The following HFM1 variants were observed in gnomAD, a reference collection of about 807,000 sequenced individuals.
The protein encoded by HFM1 is probable ATP-dependent DNA helicase HFM1.
Under a neutral mutation model 192.1 loss-of-function variants are expected in HFM1, and 169 were observed. That is an observed-to-expected ratio of 0.88 (90% confidence interval 0.78 to 1.00). HFM1 has a LOEUF of 1.00. Among genes scored for constraint, HFM1 ranks in the 50% least tolerant of loss-of-function variants. The probability of loss-of-function intolerance (pLI) is 0.00; values close to 1 mark genes in which losing one functional copy is unlikely to be tolerated. For missense variants in HFM1, 1,661 were observed against 1,668.0 expected, an observed-to-expected ratio of 1.00 and a Z score of 0.07; for synonymous variants, 525 against 537.8, an observed-to-expected ratio of 0.98 and a Z score of 0.33.
At position 91,375,434 on chromosome 1, in the gene HFM1, T is replaced by C. The variant is rs1660789470; in HGVS notation, c.1609A>G (p.Arg537Gly). ...GAAGCAGCCTGTTGCACACCCTTCC[T>C]TGTTGCACAAAACTGAAAATAAATT... Reference protein sequence around the residue: ...QKPTLVFCATRKGVQQAASVL... With the variant: ...QKPTLVFCATGKGVQQAASVL... Residue 537 changes from arginine to glycine, a missense_variant, in exon 13 of 39, where the codon AGG becomes GGG. By Grantham distance (125) the Arg-to-Gly change is moderately radical. Transcript: ENST00000370425. 1 of 1,613,128 alleles carries C rather than the reference T, an allele frequency of 6.2e-7. No homozygotes were observed. The highest frequency in any genetic ancestry group is 1.3e-5 in the African/African-American group (1 of 75,012).
chr1:91,289,192 G>A (rs1361346313), intron 30 of HFM1, among the ~76,000 whole-genome samples: 1 of 151,526 alleles, frequency 6.6e-6, no homozygotes, highest in East Asian at 2.0e-4. Flanking sequence ...CGGGGTGGTG[G>A]CGGGGCAGAG....
intron 35 of HFM1, 139 bp downstream of exon 35, chr1:91,267,605 TA>T: frequency 1.9e-6 from 1 of 525,050 alleles, no homozygotes; most frequent in Non-Finnish European, 3.3e-6. Flanking sequence ...TCAGTTTTGC[TA>T]AAAATTATAA....
In HFM1 at chr1:91,378,392, G is replaced by A. The variant is rs1271301962; in HGVS notation, c.1236+11C>T. The A allele has an allele frequency of 1.3e-6, 2 of 1,564,600 alleles. No individual in the cohort carries two copies. Among genetic ancestry groups the A allele is most frequent in the Non-Finnish European group, 1.8e-6 (2 of 1,139,534 alleles). On this transcript the variant is annotated intron_variant, in intron 10 of 38. Transcript: ENST00000370425. ...TTTATGTTTATCTCTGAAAGCGAAT[G>A]CATTCATTACCTCATCAATGAGAAA...
chr1:91,298,484 G>C (rs1648075039), intron 30 of HFM1, among the ~76,000 whole-genome samples: 1 of 142,730 alleles, frequency 7.0e-6, no homozygotes, highest in Non-Finnish European at 1.5e-5. Context: ...ACACAAAGTT[G>C]TCAAATTCAC....
intron 1 of HFM1, chr1:91,404,496 C>T: frequency 4.7e-6 from 1 of 213,418 alleles, no homozygotes; most frequent in Non-Finnish European, 9.4e-6. Context: ...AATCAGCCGA[C>T]TTTAGGGGCG....
intron 30 of HFM1, among the ~76,000 whole-genome samples, chr1:91,283,269 A>G (rs868498212): frequency 1.3e-5 from 2 of 152,274 alleles, no homozygotes; most frequent in Middle Eastern, 3.4e-3. Flanking sequence ...TCTGAGAAAA[A>G]GTCTGGCTCT....
rs749170342 is a variant in HFM1 at position 91,394,113 on chromosome 1, G to GCT, written c.472_473dup (p.Ser158ArgfsTer35). On this transcript the variant is annotated frameshift_variant, in exon 4 of 39. Coordinates refer to ENST00000370425, the MANE Select transcript of HFM1 (RefSeq NM_001017975.6). LOFTEE classifies it high-confidence loss of function. ...ATTACCTTTTCCGGAATACTGATGT[G>GCT]CTCTCTCCTTTATCTTCTGCAAAAT... 6.3e-7 allele frequency: 1 copy of GCT among 1,579,976 alleles called. No homozygotes were observed. Among genetic ancestry groups the GCT allele is most frequent in the East Asian group, 2.3e-5 (1 of 44,396 alleles).
chr1:91,353,316 T>C lies in HFM1; in HGVS notation c.1686-17A>G, dbSNP rs1389464934. The C allele has an allele frequency of 4.1e-6, 6 of 1,447,006 alleles. No individual in the cohort carries two copies. The East Asian group carries it at 1.2e-4, about 28-fold the overall frequency. 89.6% of individuals were successfully genotyped at this position (1,447,006 alleles called of 1,614,324 possible). On this transcript the variant is annotated splice_polypyrimidine_tract_variant and intron_variant, in intron 13 of 38. Coordinates refer to ENST00000370425, the MANE Select transcript of HFM1 (RefSeq NM_001017975.6). ...TTCTGTAACCTATTTAAAAATACCATAAAATTATTGAGTTACTCCCAGTAA... is the reference window on the plus strand; with the variant it reads ...TTCTGTAACCTATTTAAAAATACCACAAAATTATTGAGTTACTCCCAGTAA...
At chr1:91,306,903 T>C (rs1249736385) in intron 30 of HFM1, among the ~76,000 whole-genome samples, 8 of 152,310 alleles carry the variant, frequency 5.3e-5, no homozygotes, top group African/African-American at 1.9e-4. Context: ...CTTCTGTCAG[T>C]TTTGGTAAGC....
At chr1:91,375,859 A>G (rs1038739230) in intron 11 of HFM1, 132 bp from the exon 12 acceptor site, 5 of 659,770 alleles carry the variant, frequency 7.6e-6, no homozygotes, top group Non-Finnish European at 1.3e-5. Context: ...CTTTTTCAAT[A>G]TTACATATTC....
intron 4 of HFM1, among the ~76,000 whole-genome samples, chr1:91,393,649 T>C (rs142033750): frequency 9.9e-4 from 150 of 152,280 alleles, no homozygotes; most frequent in African/African-American, 3.5e-3. Context: ...CCATCTAGAC[T>C]AATAAGATAA....
At chr1:91,317,279 T>C (rs1281815301) in intron 25 of HFM1, among the ~76,000 whole-genome samples, 1 of 152,140 alleles carries the variant, frequency 6.6e-6, no homozygotes, top group Non-Finnish European at 1.5e-5. Flanking sequence ...CCGGGCATGG[T>C]GGCACATGCC....
chr1:91,356,249 T>G (rs1231540608), intron 13 of HFM1, among the ~76,000 whole-genome samples: 1 of 151,994 alleles, frequency 6.6e-6, no homozygotes, highest in Non-Finnish European at 1.5e-5. Context: ...GAGGAATTTT[T>G]TTTTTTTTTT....
chr1:91,313,713 ACTAT>A (rs1650806444), intron 29 of HFM1, among the ~76,000 whole-genome samples: 2 of 152,032 alleles, frequency 1.3e-5, no homozygotes, highest in Non-Finnish European at 2.9e-5. Flanking sequence ...CTGCAACTTA[ACTAT>A]CTAGGAAAAT....
chr1:91,289,805 C>T (rs190330613), intron 30 of HFM1, among the ~76,000 whole-genome samples: 285 of 152,130 alleles, frequency 1.9e-3, no homozygotes, highest in South Asian at 7.3e-3. Flanking sequence ...GCCGAGATGG[C>T]GGCAGCACAG....
chr1:91,332,220 G>C (rs911298778), intron 20 of HFM1, among the ~76,000 whole-genome samples: 1 of 152,138 alleles, frequency 6.6e-6, no homozygotes, highest in Non-Finnish European at 1.5e-5. Context: ...CAGAGCTATA[G>C]TAACCAAAAC....
chr1:91,325,047 C>T lies in HFM1; in HGVS notation c.2336-281G>A, dbSNP rs1652681768. Among the ~76,000 whole-genome samples the T allele has an allele frequency of 2.6e-5, 4 of 152,296 alleles. No homozygotes were observed. The South Asian group carries it at 8.3e-4, about 32-fold the overall frequency. On this transcript the variant is annotated intron_variant, in intron 20 of 38. Coordinates refer to ENST00000370425, the MANE Select transcript of HFM1 (RefSeq NM_001017975.6). ...AGAGCAACAAGGAGGCTCTTGGGGTCTCTGAGTCCAGGCCTAGGCTCTTAA... is the reference window on the plus strand; with the variant it reads ...AGAGCAACAAGGAGGCTCTTGGGGTTTCTGAGTCCAGGCCTAGGCTCTTAA...
In HFM1 at chr1:91,262,355, G is replaced by A. The variant is rs1434795518; in HGVS notation, c.4124C>T (p.Pro1375Leu). ...FQERKPQNLS[P>L]EIEKQCFTFS... ...AGTAAAGCATTGCTTCTCAATCTCT[G>A]GTGACAGATTTTGTGGTTTTCTTTC... The change falls in exon 38 of 39, where the codon CCA (proline) becomes CTA (leucine). Residue 1375 changes from proline to leucine, a missense_variant. Physicochemically the swap from Pro to Leu is moderately conservative, Grantham distance 98. Transcript: ENST00000370425. 3.8e-6 allele frequency: 6 copies of A among 1,576,548 alleles called. No homozygotes were observed. Among genetic ancestry groups the A allele is most frequent in the Non-Finnish European group, 5.2e-6 (6 of 1,160,334 alleles).
At position 91,375,722 on chromosome 1, in the gene HFM1, T is replaced by C. The variant is rs757160574; in HGVS notation, c.1401A>G (p.Ala467=). 9.9e-6 allele frequency: 16 copies of C among 1,612,568 alleles called. No individual in the cohort carries two copies. The highest frequency in any genetic ancestry group is 5.0e-5 in the Admixed American group (3 of 59,848). ...SATIPNAEDI[A]EWLSDGERPA... is the part of the protein sequence containing the mutation. Reference sequence around the variant, plus strand: ...GTCTTTCACCATCTGAAAGCCATTCTGCAATCTTTGAAACACAAAAATATG... The same window carrying C: ...GTCTTTCACCATCTGAAAGCCATTCCGCAATCTTTGAAACACAAAAATATG... The change falls in exon 12 of 39, where the codon GCA becomes GCG. Residue 467 remains alanine (A), a synonymous_variant. Transcript: ENST00000370425.
Sources: gnomAD v4.1 joint callset for allele counts (sites outside exome capture counted in the v4.1 genomes callset) on GRCh38, gnomAD v4.1.1 for gene constraint, MANE v1.5 for transcripts, NCBI Gene and HGNC (gene_info 2026-07-23, HGNC 2026-07-21) for gene names.